CTNNA3: variants seen among roughly 807,000 people sequenced by gnomAD.
CTNNA3 encodes catenin alpha-3.
In CTNNA3, 76 loss-of-function variants were observed where a neutral mutation model predicts 95.7. The observed-to-expected ratio is 0.79, with a 90% CI of 0.66 to 0.96. CTNNA3 has a LOEUF of 0.96. Among genes scored for constraint, CTNNA3 ranks in the 40% least tolerant of loss-of-function variants. The pLI is 0.00. For synonymous variants in CTNNA3, 431 were observed against 374.4 expected (o/e 1.15, Z -1.74); for missense variants, 1,191 against 1,089.8 (o/e 1.09, Z -1.31).
intron 15 of CTNNA3, among the ~76,000 whole-genome samples, chr10:66,021,107 T>C (rs1013135406): frequency 6.6e-6 from 1 of 152,288 alleles, no homozygotes; most frequent in East Asian, 1.9e-4. Context: ...GTCACTTTTG[T>C]AAACGTCTGT....
At chr10:66,604,563 C>T (rs1488881796) in intron 10 of CTNNA3, among the ~76,000 whole-genome samples, 1 of 152,104 alleles carries the variant, frequency 6.6e-6, no homozygotes, top group East Asian at 1.9e-4. Flanking sequence ...AGAGTACTGA[C>T]CAGCATTCTG....
intron 2 of CTNNA3, among the ~76,000 whole-genome samples, chr10:67,621,289 C>CCTA (rs1843836714): frequency 1.3e-5 from 2 of 152,092 alleles, no homozygotes; most frequent in Non-Finnish European, 2.9e-5. Context: ...TTCTGAATTG[C>CCTA]CTACTTAGTA....
intron 5 of CTNNA3, among the ~76,000 whole-genome samples, chr10:67,300,857 T>C (rs1050019209): frequency 6.6e-6 from 1 of 152,188 alleles, no homozygotes; most frequent in Admixed American, 6.5e-5. Context: ...CTGGGCTATG[T>C]TGAGTCAATA....
chr10:67,644,634 T>G (rs543777475), intron 2 of CTNNA3, among the ~76,000 whole-genome samples: 1 of 151,948 alleles, frequency 6.6e-6, no homozygotes, highest in Non-Finnish European at 1.5e-5. Context: ...TCTTTGACTT[T>G]GAAATGTACT....
chr10:66,386,688 T>G (rs567989669), intron 11 of CTNNA3, among the ~76,000 whole-genome samples: 5 of 152,278 alleles, frequency 3.3e-5, no homozygotes, highest in African/African-American at 7.2e-5. Context: ...GCTACTTGAC[T>G]TCAAACTATA....
At chr10:66,637,217 C>A (rs1845367373) in intron 9 of CTNNA3, among the ~76,000 whole-genome samples, 1 of 152,170 alleles carries the variant, frequency 6.6e-6, no homozygotes, top group African/African-American at 2.4e-5. Context: ...ACTGTTATTG[C>A]AAATACTGAA....
At chr10:66,111,032 G>A (rs1203779462) in intron 13 of CTNNA3, among the ~76,000 whole-genome samples, 1 of 152,134 alleles carries the variant, frequency 6.6e-6, no homozygotes, top group Non-Finnish European at 1.5e-5. Flanking sequence ...ATGTTAAGAT[G>A]GCTATGGCAT....
chr10:67,002,172 A>T (rs975882614), intron 7 of CTNNA3, among the ~76,000 whole-genome samples: 3 of 152,070 alleles, frequency 2.0e-5, no homozygotes, highest in Non-Finnish European at 2.9e-5. Context: ...CCCCTTTTTG[A>T]ATTTTCCTCA....
intron 3 of CTNNA3, among the ~76,000 whole-genome samples, chr10:67,558,236 G>A (rs1436324278): frequency 6.6e-6 from 1 of 152,130 alleles, no homozygotes; most frequent in Non-Finnish European, 1.5e-5. Context: ...CTGTAGTATG[G>A]TCCCTCCCAA....
At chr10:66,686,645 T>C (rs1330540047) in intron 9 of CTNNA3, among the ~76,000 whole-genome samples, 2 of 152,142 alleles carry the variant, frequency 1.3e-5, no homozygotes, top group Admixed American at 6.5e-5. Context: ...CAGATTTAAG[T>C]GGCATGAATG....
intron 13 of CTNNA3, among the ~76,000 whole-genome samples, chr10:66,192,019 A>G (rs1333481441): frequency 1.3e-5 from 2 of 152,182 alleles, no homozygotes; most frequent in Admixed American, 1.3e-4. Flanking sequence ...TGACACATCA[A>G]AAAGGCCTTC....
At chr10:65,995,212 C>T (rs929159218) in intron 15 of CTNNA3, among the ~76,000 whole-genome samples, 1 of 152,000 alleles carries the variant, frequency 6.6e-6, no homozygotes, top group Admixed American at 6.6e-5. Context: ...TTAGATGTGG[C>T]ATATTTCCTT....
chr10:67,382,544 T>A (rs1394771813), intron 5 of CTNNA3, among the ~76,000 whole-genome samples: 2 of 152,226 alleles, frequency 1.3e-5, no homozygotes, highest in African/African-American at 2.4e-5. Flanking sequence ...TTAATTGTTA[T>A]GATCTTCTTG....
chr10:66,655,785 C>CATT lies in CTNNA3; in HGVS notation c.1282-34004_1282-34002dup, dbSNP rs1371041261. 3.9e-5 allele frequency among the ~76,000 whole-genome samples: 6 copies of CATT among 152,064 alleles called. No individual in the cohort carries two copies. In the East Asian group the frequency reaches 9.7e-4, roughly 24 times the overall value. On this transcript the variant is annotated intron_variant, in intron 9 of 17. Transcript: ENST00000433211. ...GAATTACAGAAGAATTGCCAAAGAG[C>CATT]ATTGAAGTCTCAAAACTCATCTTAA...
intron 7 of CTNNA3, chr10:67,097,771 G>T (rs1858099440): frequency 1.2e-6 from 2 of 1,612,434 alleles, no homozygotes; most frequent in Non-Finnish European, 1.7e-6. Flanking sequence ...GGCCGAATCA[G>T]TGACCATAAA....
intron 5 of CTNNA3, among the ~76,000 whole-genome samples, chr10:67,278,059 T>G (rs766584310): frequency 3.9e-5 from 6 of 152,142 alleles, no homozygotes; most frequent in Non-Finnish European, 8.8e-5. Flanking sequence ...TCGCCCTGAA[T>G]TCTTTCTTGC....
At chr10:66,926,118 G>C (rs1028505711) in intron 7 of CTNNA3, 1 of 458,818 alleles carries the variant, frequency 2.2e-6, no homozygotes, top group East Asian at 6.9e-5. Flanking sequence ...TGCCTTCTGG[G>C]CTCCAACGCA....
intron 10 of CTNNA3, among the ~76,000 whole-genome samples, chr10:66,602,625 C>T (rs1214226022): frequency 6.6e-6 from 1 of 151,846 alleles, no homozygotes; most frequent in Non-Finnish European, 1.5e-5. Context: ...GATACCAACA[C>T]CAGAGAGACT....
At chr10:67,738,934 G>A (rs984115734) in intron 1 of CTNNA3, among the ~76,000 whole-genome samples, 5 of 152,140 alleles carry the variant, frequency 3.3e-5, no homozygotes, top group African/African-American at 1.2e-4. Context: ...AAGAAATATG[G>A]GACTATGTGA....
Sources: gnomAD v4.1 joint callset for allele counts (sites outside exome capture counted in the v4.1 genomes callset) on GRCh38, gnomAD v4.1.1 for gene constraint, MANE v1.5 for transcripts, NCBI Gene and HGNC (gene_info 2026-07-23, HGNC 2026-07-21) for gene names.